The following VPS13B variants were observed in gnomAD, a reference collection of about 807,000 sequenced individuals.
VPS13B encodes vacuolar protein sorting 13 homolog B.
VPS13B carries 285 observed loss-of-function variants against 426.4 expected under a neutral mutation model. The observed-to-expected ratio is 0.67, with a 90% CI of 0.61 to 0.74. VPS13B has a LOEUF of 0.74. Among genes scored for constraint, VPS13B ranks in the 30% least tolerant of loss-of-function variants. The pLI, the probability that VPS13B is intolerant of heterozygous loss-of-function variation, is 0.00. For synonymous variants in VPS13B, 1,676 were observed against 1,676.4 expected (o/e 1.00, Z 0.01); for missense variants, 4,537 against 4,782.6 (o/e 0.95, Z 1.51).
chr8:99,687,997 A>G (rs1831489605), intron 35 of VPS13B, among the ~76,000 whole-genome samples: 1 of 151,996 alleles, frequency 6.6e-6, no homozygotes, highest in Admixed American at 6.5e-5. Context: ...TTAAACTGGC[A>G]AAGAAAGGGT....
At chr8:99,260,519 T>G (rs1335708492) in intron 17 of VPS13B, among the ~76,000 whole-genome samples, 1 of 152,130 alleles carries the variant, frequency 6.6e-6, no homozygotes, top group Non-Finnish European at 1.5e-5. Context: ...TTCCTGCAGT[T>G]GGTAATGAAG....
intron 19 of VPS13B, among the ~76,000 whole-genome samples, chr8:99,331,650 G>A (rs1330649570): frequency 6.6e-6 from 1 of 151,692 alleles, no homozygotes. Flanking sequence ...GGTTGCATTT[G>A]TGCATTTTTG....
chr8:99,236,221 T>A (rs914263218), intron 17 of VPS13B, among the ~76,000 whole-genome samples: 2 of 152,094 alleles, frequency 1.3e-5, no homozygotes, highest in Non-Finnish European at 2.9e-5. Flanking sequence ...TAATGATAGG[T>A]GTAACATCTA....
At chr8:99,814,310 T>C (rs1487757917) in intron 44 of VPS13B, among the ~76,000 whole-genome samples, 1 of 152,226 alleles carries the variant, frequency 6.6e-6, no homozygotes, top group Admixed American at 6.5e-5. Flanking sequence ...TTAATCTTCA[T>C]AGCAAGTTAA....
At chr8:99,609,824 T>C (rs536075031) in intron 33 of VPS13B, among the ~76,000 whole-genome samples, 32 of 152,338 alleles carry the variant, frequency 2.1e-4, no homozygotes, top group African/African-American at 7.0e-4. Context: ...CAGCAAGAAA[T>C]AGCTGTTTTC....
In VPS13B at chr8:99,783,344, G is replaced by A. The variant is rs190161371; in HGVS notation, c.7780-971G>A. On this transcript the variant is annotated intron_variant, in intron 42 of 61. Transcript: ENST00000357162. ...CCAACTGGAGAAGCATCAGTTACAT[G>A]TTATCTCCCATTATCTGCAAATTAA... 5.3e-5 allele frequency among the ~76,000 whole-genome samples: 8 copies of A among 152,296 alleles called. No homozygotes were observed. In the East Asian group the frequency reaches 5.8e-4, roughly 11 times the overall value.
intron 55 of VPS13B, among the ~76,000 whole-genome samples, 170 bp downstream of exon 55, chr8:99,849,064 T>C (rs774135470): frequency 1.3e-3 from 191 of 152,216 alleles, no homozygotes; most frequent in Non-Finnish European, 1.7e-3. Context: ...CTTCAATAGG[T>C]AGCAATAAAC....
At chr8:99,736,704 A>C (rs1469747919) in intron 39 of VPS13B, among the ~76,000 whole-genome samples, 1 of 152,186 alleles carries the variant, frequency 6.6e-6, no homozygotes, top group Non-Finnish European at 1.5e-5. Flanking sequence ...ACCTTGACAC[A>C]AACTTGGAAA....
At chr8:99,307,689 TTTTG>T (rs1298816533) in intron 19 of VPS13B, among the ~76,000 whole-genome samples, 2 of 152,112 alleles carry the variant, frequency 1.3e-5, no homozygotes, top group African/African-American at 4.8e-5. Context: ...CGACCATCGA[TTTTG>T]TTTATCTGTT....
intron 35 of VPS13B, among the ~76,000 whole-genome samples, chr8:99,698,693 A>C (rs1832136529): frequency 6.6e-6 from 1 of 152,240 alleles, no homozygotes; most frequent in East Asian, 1.9e-4. Flanking sequence ...ATGCATATGT[A>C]AGACACATTG....
chr8:99,174,708 G>A (rs139421083), intron 16 of VPS13B, among the ~76,000 whole-genome samples: 51 of 152,212 alleles, frequency 3.4e-4, no homozygotes, highest in African/African-American at 1.2e-3. Context: ...TCCACTGTGT[G>A]GAACCATATT....
chr8:99,616,774 G>A (rs184372357), intron 33 of VPS13B, among the ~76,000 whole-genome samples: 79 of 152,292 alleles, frequency 5.2e-4, no homozygotes, highest in Non-Finnish European at 8.5e-4. Context: ...GCGGTGAGCC[G>A]AGATTGCACC....
intron 31 of VPS13B, among the ~76,000 whole-genome samples, chr8:99,573,084 G>A (rs961214428): frequency 4.6e-5 from 7 of 151,986 alleles, no homozygotes; most frequent in African/African-American, 1.7e-4. Flanking sequence ...CATGTTTTTT[G>A]GCTGCATAAA....
chr8:99,171,025 T>G (rs962000211), intron 16 of VPS13B, among the ~76,000 whole-genome samples: 113 of 151,894 alleles, frequency 7.4e-4, no homozygotes, highest in African/African-American at 2.6e-3. Flanking sequence ...TATATAACTT[T>G]TAAAATGAAA....
intron 35 of VPS13B, among the ~76,000 whole-genome samples, chr8:99,662,107 A>G (rs913437604): frequency 1.3e-5 from 2 of 152,206 alleles, no homozygotes; most frequent in Non-Finnish European, 2.9e-5. Context: ...AGAAAAGTGA[A>G]GTAAATTGCC....
At chr8:99,210,498 C>A (rs944542499) in intron 17 of VPS13B, among the ~76,000 whole-genome samples, 1 of 152,110 alleles carries the variant, frequency 6.6e-6, no homozygotes, top group African/African-American at 2.4e-5. Flanking sequence ...TTTATAGTCT[C>A]ACATTTGGTG....
intron 23 of VPS13B, among the ~76,000 whole-genome samples, chr8:99,448,300 C>T (rs754211133): frequency 6.6e-6 from 1 of 151,820 alleles, no homozygotes; most frequent in Non-Finnish European, 1.5e-5. Flanking sequence ...ACTGCATAAT[C>T]AACATTGAAA....
chr8:99,629,976 G>C (rs1207634782), intron 33 of VPS13B, among the ~76,000 whole-genome samples: 1 of 152,078 alleles, frequency 6.6e-6, no homozygotes, highest in Non-Finnish European at 1.5e-5. Context: ...AGTTCTTAGA[G>C]TTCTCCATTG....
chr8:99,495,909 C>T (rs533621681), intron 25 of VPS13B, among the ~76,000 whole-genome samples: 1 of 152,120 alleles, frequency 6.6e-6, no homozygotes, highest in African/African-American at 2.4e-5. Context: ...GTGAGTAGTG[C>T]ATGGCTAGGA....
Sources: gnomAD v4.1 joint callset for allele counts (sites outside exome capture counted in the v4.1 genomes callset) on GRCh38, gnomAD v4.1.1 for gene constraint, MANE v1.5 for transcripts, NCBI Gene and HGNC (gene_info 2026-07-23, HGNC 2026-07-21) for gene names.